ARHGAP15: variants seen among roughly 807,000 people sequenced by gnomAD.
ARHGAP15 encodes the protein Rho GTPase activating protein 15, also known as rho GTPase-activating protein 15.
Under a neutral mutation model 63.7 loss-of-function variants are expected in ARHGAP15, and 51 were observed. That is an observed-to-expected ratio of 0.80 (90% CI 0.64 to 1.01). The LOEUF is 1.01. ARHGAP15 is among the 50% of genes least tolerant of loss of function. The probability of loss-of-function intolerance (pLI) is 0.00; values close to 1 mark genes in which losing one functional copy is unlikely to be tolerated. For synonymous variants in ARHGAP15, 191 were observed against 193.8 expected, an observed-to-expected ratio of 0.99 and a Z score of 0.12; for missense variants, 560 against 564.6, an observed-to-expected ratio of 0.99 and a Z score of 0.08.
chr2:143,388,502 C>T lies in ARHGAP15; in HGVS notation c.475-47099C>T, dbSNP rs543537513. 8.5e-5 allele frequency among the ~76,000 whole-genome samples: 13 copies of T among 152,294 alleles called. No individual in the cohort carries two copies. In the East Asian group the frequency reaches 2.1e-3, roughly 25 times the overall value. On this transcript the variant is annotated intron_variant, in intron 6 of 13. Transcript: ENST00000295095. ...GAGAGAGACAGCACAAACCCCCAAA[C>T]TTGGGCCTTCAGACAAAGAAAGGCT...
chr2:143,230,119 T>C (rs1693380219), intron 5 of ARHGAP15, among the ~76,000 whole-genome samples: 1 of 152,072 alleles, frequency 6.6e-6, no homozygotes, highest in Non-Finnish European at 1.5e-5. Flanking sequence ...GTCTTCCCTT[T>C]GAATGAGCTC....
chr2:143,492,781 G>T lies in ARHGAP15; in HGVS notation c.826+5286G>T, dbSNP rs1233232662. 4.0e-5 allele frequency among the ~76,000 whole-genome samples: 6 copies of T among 151,124 alleles called. 1 individual carries two copies. Among genetic ancestry groups the T allele is most frequent in the Middle Eastern group, 6.9e-3 (2 of 288 alleles). On this transcript the variant is annotated intron_variant, in intron 9 of 13. Coordinates refer to ENST00000295095, the MANE Select transcript of ARHGAP15 (RefSeq NM_018460.4). ...CCTTTCTTAAAAATCAATCATCCGG[G>T]CGTGGTGGCTCACGCCTGTAATCCC...
chr2:143,689,510 G>A (rs898979167), intron 12 of ARHGAP15, among the ~76,000 whole-genome samples: 5 of 152,134 alleles, frequency 3.3e-5, no homozygotes, highest in African/African-American at 1.2e-4. Context: ...ATGTAGAAAT[G>A]TATGCAACAT....
chr2:143,349,188 G>A (rs1003555112), intron 6 of ARHGAP15, among the ~76,000 whole-genome samples: 1 of 152,144 alleles, frequency 6.6e-6, no homozygotes, highest in African/African-American at 2.4e-5. Flanking sequence ...TCAACACTTA[G>A]GAAAGCTAGC....
chr2:143,150,688 A>G (rs921247548), intron 1 of ARHGAP15, among the ~76,000 whole-genome samples: 3 of 152,042 alleles, frequency 2.0e-5, no homozygotes, highest in African/African-American at 4.8e-5. Context: ...ATGCAAAATG[A>G]GCCAGTTCTT....
chr2:143,360,969 ATG>A (rs1326972305), intron 6 of ARHGAP15, among the ~76,000 whole-genome samples: 2 of 152,182 alleles, frequency 1.3e-5, no homozygotes, highest in African/African-American at 4.8e-5. Flanking sequence ...ACAATGGGAA[ATG>A]TCTCTATGTA....
chr2:143,377,171 A>G (rs938558358), intron 6 of ARHGAP15, among the ~76,000 whole-genome samples: 2 of 152,012 alleles, frequency 1.3e-5, no homozygotes, highest in East Asian at 3.8e-4. Flanking sequence ...TAATCCTATA[A>G]AGAATAAATA....
chr2:143,493,274 G>A (rs1425000841), intron 9 of ARHGAP15, among the ~76,000 whole-genome samples: 5 of 151,882 alleles, frequency 3.3e-5, no homozygotes, highest in South Asian at 2.1e-4. Context: ...GCTGTTTCAC[G>A]TTACCTCCAT....
chr2:143,584,634 A>G (rs1697036979), intron 11 of ARHGAP15, among the ~76,000 whole-genome samples: 1 of 151,488 alleles, frequency 6.6e-6, no homozygotes. Flanking sequence ...AAAAAACAAC[A>G]ACAACAACAA....
chr2:143,532,100 A>G (rs1694546130), intron 10 of ARHGAP15, among the ~76,000 whole-genome samples: 1 of 152,194 alleles, frequency 6.6e-6, no homozygotes, highest in South Asian at 2.1e-4. Context: ...TCACCAAGGG[A>G]TGGTGTTAAC....
chr2:143,753,293 G>A (rs1479700690), intron 13 of ARHGAP15, among the ~76,000 whole-genome samples: 1 of 152,188 alleles, frequency 6.6e-6, no homozygotes, highest in Non-Finnish European at 1.5e-5. Flanking sequence ...TCCTTGAAAG[G>A]AGATCTAAGT....
intron 1 of ARHGAP15, among the ~76,000 whole-genome samples, chr2:143,149,272 G>A (rs939462023): frequency 3.9e-5 from 6 of 151,930 alleles, no homozygotes; most frequent in African/African-American, 1.4e-4. Context: ...TTCGCTCCTC[G>A]TGGTGGATGT....
intron 5 of ARHGAP15, among the ~76,000 whole-genome samples, chr2:143,231,448 A>G (rs1451083450): frequency 6.6e-6 from 1 of 152,210 alleles, no homozygotes; most frequent in Non-Finnish European, 1.5e-5. Flanking sequence ...GTCTCAGAGC[A>G]ATGACTAATA....
chr2:143,627,148 T>G (rs1274437160), intron 12 of ARHGAP15, among the ~76,000 whole-genome samples: 1 of 152,194 alleles, frequency 6.6e-6, no homozygotes, highest in Non-Finnish European at 1.5e-5. Context: ...AGAAGGAAAT[T>G]TCTGTTGTTT....
intron 2 of ARHGAP15, chr2:143,162,134 C>T (rs746647095): frequency 3.3e-5 from 5 of 151,934 alleles, no homozygotes; most frequent in Non-Finnish European, 7.4e-5. Flanking sequence ...AGAAGTCACA[C>T]GGTGTTTGAT....
chr2:143,450,126 A>T (rs1226289403), intron 8 of ARHGAP15, among the ~76,000 whole-genome samples: 9 of 121,336 alleles, frequency 7.4e-5, no homozygotes, highest in Admixed American at 6.8e-4. Flanking sequence ...CCTAGTAGGT[A>T]CCTGGGTTTG....
intron 13 of ARHGAP15, 24 bp from the exon 14 acceptor site, chr2:143,767,965 A>AT (rs144009779): frequency 3.2e-4 from 507 of 1,575,904 alleles, no homozygotes; most frequent in South Asian, 5.6e-4. Flanking sequence ...CAGTGAAATT[A>AT]TTTTTTTTTC....
chr2:143,266,760 CTAAA>C (rs752722887), intron 6 of ARHGAP15, among the ~76,000 whole-genome samples: 7 of 151,612 alleles, frequency 4.6e-5, no homozygotes, highest in Non-Finnish European at 1.0e-4. Context: ...ACTCATGTTT[CTAAA>C]TAAATAAAAG....
chr2:143,228,337 A>G (rs7421045), intron 4 of ARHGAP15, among the ~76,000 whole-genome samples: 1 of 151,944 alleles, frequency 6.6e-6, no homozygotes, highest in Non-Finnish European at 1.5e-5. Flanking sequence ...TGAAAAAGAT[A>G]TTAGGAGGAT....
Sources: gnomAD v4.1 joint callset for allele counts (sites outside exome capture counted in the v4.1 genomes callset) on GRCh38, gnomAD v4.1.1 for gene constraint, MANE v1.5 for transcripts, NCBI Gene and HGNC (gene_info 2026-07-23, HGNC 2026-07-21) for gene names.